The following CYP19A1 variants were observed in gnomAD, a reference collection of about 807,000 sequenced individuals.
CYP19A1 encodes cytochrome P450 family 19 subfamily A member 1.
CYP19A1 carries 32 observed loss-of-function variants against 44.4 expected under a neutral mutation model. That is an observed-to-expected ratio of 0.72 (90% CI 0.54 to 0.97). The LOEUF (loss-of-function observed/expected upper bound fraction) is 0.97. Among genes scored for constraint, CYP19A1 ranks in the 50% least tolerant of loss-of-function variants. The pLI is 0.00. For missense variants in CYP19A1, 598 were observed against 637.8 expected (o/e 0.94, Z 0.67); for synonymous variants, 212 against 215.6 (o/e 0.98, Z 0.14).
At chr15:51,223,290 G>A (rs2032273181) in intron 4 of CYP19A1, among the ~76,000 whole-genome samples, 1 of 147,118 alleles carries the variant, frequency 6.8e-6, no homozygotes, top group Non-Finnish European at 1.5e-5. Context: ...AATGAAAATA[G>A]AGTAAACTGG....
chr15:51,220,338 T>C (rs1042506108), intron 5 of CYP19A1, among the ~76,000 whole-genome samples: 1 of 152,228 alleles, frequency 6.6e-6, no homozygotes, highest in Non-Finnish European at 1.5e-5. Context: ...GCCTAATATT[T>C]TATTAGATAT....
At chr15:51,245,716 A>T (rs959361237) in intron 1 of CYP19A1, among the ~76,000 whole-genome samples, 3 of 152,284 alleles carry the variant, frequency 2.0e-5, no homozygotes, top group African/African-American at 7.2e-5. Context: ...TTTAACACCT[A>T]GAAAACATGT....
chr15:51,228,589 C>A (rs530852706), intron 3 of CYP19A1, among the ~76,000 whole-genome samples: 1 of 152,306 alleles, frequency 6.6e-6, no homozygotes, highest in South Asian at 2.1e-4. Flanking sequence ...GTAAAGGAAG[C>A]TATTTTGGGG....
chr15:51,336,206 T>C (rs1441763446), intron 1 of CYP19A1, among the ~76,000 whole-genome samples: 2 of 152,212 alleles, frequency 1.3e-5, no homozygotes, highest in Non-Finnish European at 2.9e-5. Context: ...ATGTCTAATA[T>C]TGTTTGGTAA....
chr15:51,337,149 T>C (rs1250041581), intron 1 of CYP19A1, among the ~76,000 whole-genome samples: 5 of 152,204 alleles, frequency 3.3e-5, no homozygotes, highest in African/African-American at 9.7e-5. Context: ...AGCTAATGAA[T>C]CCATTAATCA....
intron 1 of CYP19A1, among the ~76,000 whole-genome samples, chr15:51,248,228 G>T (rs2034151200): frequency 6.6e-6 from 1 of 152,160 alleles, no homozygotes; most frequent in South Asian, 2.1e-4. Context: ...CCTCTCAAAG[G>T]ACCAGGCATG....
intron 1 of CYP19A1, among the ~76,000 whole-genome samples, chr15:51,307,140 G>A (rs775724172): frequency 6.6e-6 from 1 of 152,186 alleles, no homozygotes; most frequent in Non-Finnish European, 1.5e-5. Flanking sequence ...GCCAACGAAA[G>A]CAAACGTGCC....
intron 1 of CYP19A1, among the ~76,000 whole-genome samples, chr15:51,247,664 AG>A: frequency 6.6e-6 from 1 of 152,144 alleles, no homozygotes; most frequent in Non-Finnish European, 1.5e-5. Context: ...TAGGGAGGAT[AG>A]GGTTTCACCA....
In CYP19A1 at chr15:51,210,894, C is replaced by G. The variant is rs577716822; in HGVS notation, c.1426G>C (p.Asp476His). The change falls in exon 10 of 10, where the codon GAC becomes CAC. Residue 476 changes from aspartate (D) to histidine (H), a missense_variant. Asp to His is a moderately conservative substitution (Grantham distance 81). Coordinates refer to ENST00000396402, the MANE Select transcript of CYP19A1 (RefSeq NM_000103.4). Reference protein sequence around the residue: ...QCVESIQKIHDLSLHPDETKN... With the variant: ...QCVESIQKIHHLSLHPDETKN... Reference sequence around the variant, plus strand: ...GTCTCATCTGGGTGCAAGGACAAGTCGTGTATCTTCTGTATGCTCTCAACA... The same window carrying G: ...GTCTCATCTGGGTGCAAGGACAAGTGGTGTATCTTCTGTATGCTCTCAACA... 1.3e-6 allele frequency: 2 copies of G among 1,592,826 alleles called. No homozygotes were observed. The highest frequency in any genetic ancestry group is 2.2e-5 in the South Asian group (2 of 90,688).
At chr15:51,273,862 C>T (rs1214587928) in intron 1 of CYP19A1, among the ~76,000 whole-genome samples, 1 of 152,110 alleles carries the variant, frequency 6.6e-6, no homozygotes, top group Non-Finnish European at 1.5e-5. Flanking sequence ...AAAAAATTAG[C>T]CGGGCATGGT....
chr15:51,225,800 T>C (rs904482514), intron 4 of CYP19A1, among the ~76,000 whole-genome samples: 1 of 151,780 alleles, frequency 6.6e-6, no homozygotes. Context: ...TAATCATGAG[T>C]TCTTAAAGGC....
At chr15:51,269,714 C>T (rs1385179126) in intron 1 of CYP19A1, among the ~76,000 whole-genome samples, 1 of 152,194 alleles carries the variant, frequency 6.6e-6, no homozygotes, top group Non-Finnish European at 1.5e-5. Flanking sequence ...CAAGGCAGGA[C>T]TCTTCCAACA....
intron 1 of CYP19A1, among the ~76,000 whole-genome samples, chr15:51,325,527 A>T (rs776063120): frequency 5.3e-5 from 8 of 152,178 alleles, no homozygotes; most frequent in Admixed American, 3.3e-4. Flanking sequence ...TGCCCATTGT[A>T]CGCTGGAAAT....
intron 3 of CYP19A1, among the ~76,000 whole-genome samples, chr15:51,231,772 T>G (rs1360957266): frequency 6.6e-6 from 1 of 152,076 alleles, no homozygotes; most frequent in Non-Finnish European, 1.5e-5. Context: ...ATGACTATTA[T>G]ATTCTCCCTA....
chr15:51,308,403 C>T (rs1249996174), intron 1 of CYP19A1, among the ~76,000 whole-genome samples: 1 of 152,160 alleles, frequency 6.6e-6, no homozygotes, highest in African/African-American at 2.4e-5. Context: ...TCCTTTGTTT[C>T]ATAGTTAGTT....
chr15:51,221,903 G>A (rs1191110458), intron 5 of CYP19A1: 1 of 190,528 alleles, frequency 5.2e-6, no homozygotes, highest in East Asian at 1.3e-4. Context: ...TTATCATATA[G>A]GCACAATGTT....
intron 1 of CYP19A1, among the ~76,000 whole-genome samples, chr15:51,287,323 C>G (rs1291540528): frequency 6.6e-6 from 1 of 152,176 alleles, no homozygotes; most frequent in South Asian, 2.1e-4. Context: ...GCGGGGTTCA[C>G]CCTATTGTCT....
In CYP19A1 at chr15:51,227,822, G is replaced by T. The variant is rs1214222558; in HGVS notation, c.408C>A (p.Asn136Lys). 1 of 1,546,322 alleles carries T rather than the reference G, an allele frequency of 6.5e-7. No homozygotes were observed. Among genetic ancestry groups the T allele is most frequent in the Non-Finnish European group, 8.9e-7 (1 of 1,118,250 alleles). ...GAGTTGTTTTCCAGAGCTCTGGATT[G>T]TTGTTAAATATGATGCCTTTCTCAT... ...GMHEKGIIFN[N>K]NPELWKTTRP... is the part of the protein sequence containing the mutation. Residue 136 changes from asparagine (N) to lysine (K), a missense_variant, in exon 4 of 10, where the codon AAC becomes AAA. By Grantham distance (94) the Asn-to-Lys change is moderately conservative. Transcript: ENST00000396402.
chr15:51,266,821 T>C (rs1441630056), intron 1 of CYP19A1, among the ~76,000 whole-genome samples: 1 of 152,166 alleles, frequency 6.6e-6, no homozygotes, highest in Non-Finnish European at 1.5e-5. Flanking sequence ...TTCCGCTCTT[T>C]TGGTGCCGTT....
Sources: allele counts gnomAD v4.1 joint callset (sites outside exome capture counted in the v4.1 genomes callset), GRCh38; gene constraint gnomAD v4.1.1; transcripts MANE v1.5; gene names NCBI Gene and HGNC (gene_info 2026-07-23, HGNC 2026-07-21).